AGPAT5: variants seen among roughly 807,000 people sequenced by gnomAD.
AGPAT5 encodes the protein 1-acyl-sn-glycerol-3-phosphate acyltransferase epsilon.
A neutral mutation model predicts 45.6 loss-of-function variants in AGPAT5; 46 were observed. The ratio of observed to expected loss-of-function variants is 1.01; its 90% confidence interval spans 0.80 to 1.29. AGPAT5 has a LOEUF of 1.29. Among genes scored for constraint, AGPAT5 ranks in the 50% most tolerant of loss-of-function variants. The pLI is 0.00. For missense variants in AGPAT5, 673 were observed against 450.7 expected (o/e 1.49, Z -4.47); for synonymous variants, 272 against 167.0 (o/e 1.63, Z -4.85).
chr8:6,736,278 C>G (rs1433497434), intron 4 of AGPAT5, among the ~76,000 whole-genome samples: 1 of 152,150 alleles, frequency 6.6e-6, no homozygotes, highest in African/African-American at 2.4e-5. Flanking sequence ...CAGACTTTAC[C>G]AGGTTTTCCA....
At position 6,734,235 on chromosome 8, in the gene AGPAT5, A is replaced by G. The variant is rs115895901; in HGVS notation, c.495+1585A>G. ...TTTCTCGCTGTTCTTTAGTTCTTAGATGCATTATTCGTTTTTTGTTGGTTT... is the reference window on the plus strand; with the variant it reads ...TTTCTCGCTGTTCTTTAGTTCTTAGGTGCATTATTCGTTTTTTGTTGGTTT... On this transcript the variant is annotated intron_variant, in intron 4 of 7. Coordinates refer to ENST00000285518, the MANE Select transcript of AGPAT5 (RefSeq NM_018361.5). 7.4e-4 allele frequency among the ~76,000 whole-genome samples: 110 copies of G among 149,320 alleles called. 1 individual carries two copies. The highest frequency in any genetic ancestry group is 2.6e-3 in the African/African-American group (108 of 40,818).
rs1211495007 is a variant in AGPAT5, at chr8:6,758,582, C to A, written c.*1194C>A. ...TTGCATTTGTCTGTGTCAAGAAGTTCACCTTCTCAAGCCAGTGAAATACAG... is the reference window on the plus strand; with the variant it reads ...TTGCATTTGTCTGTGTCAAGAAGTTAACCTTCTCAAGCCAGTGAAATACAG... On this transcript the variant is annotated 3_prime_UTR_variant, in exon 8 of 8. Coordinates refer to ENST00000285518, the MANE Select transcript of AGPAT5 (RefSeq NM_018361.5). 2 of 152,362 alleles carry A rather than the reference C, an allele frequency of 1.3e-5. No homozygotes were observed. The highest frequency in any genetic ancestry group is 1.5e-5 in the Non-Finnish European group (1 of 68,052). The allele number at this position is 152,362 out of a possible 1,614,324, so 9.4% of individuals were successfully genotyped here. A position where few individuals can be genotyped will look rare whatever the true frequency, so the allele number is the denominator to read the frequency against.
chr8:6,731,260 G>A (rs905345883), intron 3 of AGPAT5, among the ~76,000 whole-genome samples: 2 of 152,202 alleles, frequency 1.3e-5, no homozygotes, highest in African/African-American at 4.8e-5. Flanking sequence ...AAGTAATTTT[G>A]TTTGGCATTT....
chr8:6,720,774 C>G (rs532411521), intron 1 of AGPAT5, among the ~76,000 whole-genome samples: 2 of 152,240 alleles, frequency 1.3e-5, no homozygotes, highest in African/African-American at 4.8e-5. Flanking sequence ...AGAGGGCTAG[C>G]AAGGAAAAAC....
rs752006586 is a variant in AGPAT5, at chr8:6,732,662, C to T, written c.495+12C>T. ...ACGCAGGAACTCCAGTAAGAGCCTA[C>T]CCGTTTTTATTTTTCTTACCAGCTC... On this transcript the variant is annotated intron_variant, in intron 4 of 7. Coordinates refer to ENST00000285518, the MANE Select transcript of AGPAT5 (RefSeq NM_018361.5). The T allele has an allele frequency of 6.3e-7, 1 of 1,576,638 alleles. No homozygotes were observed. The highest frequency in any genetic ancestry group is 8.6e-7 in the Non-Finnish European group (1 of 1,167,652).
At chr8:6,710,843 C>A (rs1800132794) in intron 1 of AGPAT5, among the ~76,000 whole-genome samples, 1 of 152,094 alleles carries the variant, frequency 6.6e-6, no homozygotes, top group African/African-American at 2.4e-5. Flanking sequence ...TGACTTTGTA[C>A]CATTAACTTT....
At chr8:6,742,461 T>C (rs1182157361) in intron 5 of AGPAT5, among the ~76,000 whole-genome samples, 2 of 152,222 alleles carry the variant, frequency 1.3e-5, no homozygotes, top group African/African-American at 2.4e-5. Flanking sequence ...GAAGCTTGAC[T>C]GTGATTTAGT....
At position 6,759,044 on chromosome 8, in the gene AGPAT5, T is replaced by C. The variant is rs1234539788; in HGVS notation, c.*1656T>C. 6.6e-6 allele frequency: 1 copy of C among 152,212 alleles called. No homozygotes were observed. The highest frequency in any genetic ancestry group is 1.5e-5 in the Non-Finnish European group (1 of 68,036). The allele number at this position is 152,212 out of a possible 1,614,324, so 9.4% of individuals were successfully genotyped here. A position where few individuals can be genotyped will look rare whatever the true frequency, so the allele number is the denominator to read the frequency against. ...GTGGTGTGAATTGGTTTGTGTACAT[T>C]AGAATGTATGCACACATCCATGGAC... On this transcript the variant is annotated 3_prime_UTR_variant, in exon 8 of 8. Transcript: ENST00000285518.
chr8:6,714,074 C>T (rs1018312551), intron 1 of AGPAT5, among the ~76,000 whole-genome samples: 4 of 152,180 alleles, frequency 2.6e-5, no homozygotes, highest in African/African-American at 9.6e-5. Flanking sequence ...AGTCTACTCC[C>T]TTTTATGACA....
chr8:6,720,141 G>T (rs1800453714), intron 1 of AGPAT5, among the ~76,000 whole-genome samples: 1 of 152,124 alleles, frequency 6.6e-6, no homozygotes, highest in Non-Finnish European at 1.5e-5. Flanking sequence ...AGTACATTCT[G>T]GAGAAAGCCC....
chr8:6,728,309 G>A (rs1208139505), intron 2 of AGPAT5, among the ~76,000 whole-genome samples: 1 of 152,236 alleles, frequency 6.6e-6, no homozygotes, highest in Non-Finnish European at 1.5e-5. Context: ...AATCTCAGCT[G>A]TAACTGAGAT....
intron 1 of AGPAT5, among the ~76,000 whole-genome samples, chr8:6,713,721 T>C (rs201058815): frequency 0.14 from 2,395 of 17,422 alleles, 76 homozygotes; most frequent in East Asian, 0.44. Context: ...GCCCAGCTAA[T>C]TTTTTTTTTG....
At chr8:6,741,902 G>A in intron 5 of AGPAT5, 151 bp downstream of exon 5, 1 of 595,340 alleles carries the variant, frequency 1.7e-6, no homozygotes, top group South Asian at 2.3e-5. Context: ...CTTAGGAAAT[G>A]AAGTTTCTTC....
chr8:6,725,573 A>G (rs1800657522), intron 2 of AGPAT5, among the ~76,000 whole-genome samples: 4 of 152,306 alleles, frequency 2.6e-5, no homozygotes, highest in South Asian at 2.1e-4. Flanking sequence ...ATTTTTCCCA[A>G]TGGTGACATC....
intron 1 of AGPAT5, among the ~76,000 whole-genome samples, chr8:6,724,599 T>C (rs573777586): frequency 6.6e-6 from 1 of 152,362 alleles, no homozygotes; most frequent in East Asian, 1.9e-4. Context: ...TTTTATATAT[T>C]GTTAGCAATC....
At chr8:6,713,922 CT>C (rs1800238688) in intron 1 of AGPAT5, among the ~76,000 whole-genome samples, 1 of 152,194 alleles carries the variant, frequency 6.6e-6, no homozygotes, top group Non-Finnish European at 1.5e-5. Context: ...CTGGATCTTT[CT>C]TTGTGTAGCA....
rs1315756248 is a variant in AGPAT5 at position 6,757,429 on chromosome 8, C to CT, written c.*42dup. On this transcript the variant is annotated 3_prime_UTR_variant, in exon 8 of 8. Transcript: ENST00000285518. Reference sequence around the variant, plus strand: ...CAGACAGTGGGATGTGCTACATTGTCTATTTTTGGCGGCTGCACATGACAT... The same window carrying CT: ...CAGACAGTGGGATGTGCTACATTGTCTTATTTTTGGCGGCTGCACATGACAT... 6.5e-7 allele frequency: 1 copy of CT among 1,533,340 alleles called. No homozygotes were observed. Among genetic ancestry groups the CT allele is most frequent in the Admixed American group, 1.7e-5 (1 of 58,306 alleles). The allele number at this position is 1,533,340 out of a possible 1,614,324, so 95.0% of individuals were successfully genotyped here. A position where few individuals can be genotyped will look rare whatever the true frequency, so the allele number is the denominator to read the frequency against.
chr8:6,741,638 C>G (rs1325206413), intron 4 of AGPAT5, 23 bp from the exon 5 acceptor site: 2 of 1,539,150 alleles, frequency 1.3e-6, no homozygotes, highest in African/African-American at 2.8e-5. Flanking sequence ...CAAAATAAAC[C>G]AAATTTGCTC....
intron 2 of AGPAT5, among the ~76,000 whole-genome samples, chr8:6,727,774 T>G (rs1350446404): frequency 6.6e-6 from 1 of 152,204 alleles, no homozygotes; most frequent in Non-Finnish European, 1.5e-5. Context: ...AGTAGAATGT[T>G]ATAAAAAGGG....
Sources: allele counts gnomAD v4.1 joint callset (sites outside exome capture counted in the v4.1 genomes callset), GRCh38; gene constraint gnomAD v4.1.1; transcripts MANE v1.5; gene names NCBI Gene and HGNC (gene_info 2026-07-23, HGNC 2026-07-21).